CACNB2: variants seen among roughly 807,000 people sequenced by gnomAD.
The protein encoded by CACNB2 is voltage-dependent L-type calcium channel subunit beta-2.
Under a neutral mutation model 73.3 loss-of-function variants are expected in CACNB2, and 42 were observed. That is an observed-to-expected ratio of 0.57 (90% CI 0.45 to 0.74). CACNB2 has a LOEUF of 0.74. CACNB2 is among the 30% of genes least tolerant of loss of function. CACNB2 has a pLI of 0.00. For missense variants in CACNB2, 940 were observed against 853.0 expected, an observed-to-expected ratio of 1.10 and a Z score of -1.27; for synonymous variants, 348 against 310.3, an observed-to-expected ratio of 1.12 and a Z score of -1.28.
intron 2 of CACNB2, among the ~76,000 whole-genome samples, chr10:18,165,222 A>C (rs2032765401): frequency 6.6e-6 from 1 of 152,180 alleles, no homozygotes; most frequent in Non-Finnish European, 1.5e-5. Context: ...CTAGGAGAAG[A>C]AATTGGGAAG....
At chr10:18,473,149 G>T (rs557706692) in intron 3 of CACNB2, among the ~76,000 whole-genome samples, 1 of 152,176 alleles carries the variant, frequency 6.6e-6, no homozygotes, top group South Asian at 2.1e-4. Flanking sequence ...AATTGTCCAC[G>T]CTTTAGCTCC....
intron 2 of CACNB2, among the ~76,000 whole-genome samples, chr10:18,354,036 G>A (rs2041816956): frequency 6.6e-6 from 1 of 152,160 alleles, no homozygotes; most frequent in South Asian, 2.1e-4. Context: ...GGAATGTATA[G>A]TCTGTCAAAA....
intron 2 of CACNB2, among the ~76,000 whole-genome samples, chr10:18,388,445 T>C (rs2043326134): frequency 6.6e-6 from 1 of 152,180 alleles, no homozygotes; most frequent in Non-Finnish European, 1.5e-5. Flanking sequence ...GCTTAAGGGA[T>C]ACATTAACTA....
intron 2 of CACNB2, among the ~76,000 whole-genome samples, chr10:18,354,334 C>A (rs538494017): frequency 3.4e-4 from 52 of 152,206 alleles, no homozygotes; most frequent in African/African-American, 1.2e-3. Context: ...TTGGTGAGGT[C>A]CTATGAGAAC....
At position 18,210,421 on chromosome 10, in the gene CACNB2, G is replaced by A. The variant is rs183691663; in HGVS notation, c.213+59446G>A. ...CTTTATATAACTGTCTTTGAACAAAGGTGAAGAATGGTTTTTTTTCCCATA... is the reference window on the plus strand; with the variant it reads ...CTTTATATAACTGTCTTTGAACAAAAGTGAAGAATGGTTTTTTTTCCCATA... On this transcript the variant is annotated intron_variant, in intron 2 of 13. Transcript: ENST00000324631. 4.5e-3 allele frequency among the ~76,000 whole-genome samples: 685 copies of A among 152,176 alleles called. 3 individuals are homozygous for A. Among genetic ancestry groups the A allele is most frequent in the African/African-American group, 0.016 (662 of 41,480 alleles).
chr10:18,197,943 A>T (rs945607037), intron 2 of CACNB2, among the ~76,000 whole-genome samples: 1 of 147,486 alleles, frequency 6.8e-6, no homozygotes, highest in African/African-American at 2.5e-5. Flanking sequence ...ATATATAGTC[A>T]ATTAATTGTA....
intron 2 of CACNB2, among the ~76,000 whole-genome samples, chr10:18,261,497 T>G (rs907966579): frequency 6.6e-6 from 1 of 152,160 alleles, no homozygotes; most frequent in Non-Finnish European, 1.5e-5. Flanking sequence ...AGATATTTAT[T>G]TTTTCCCAGA....
At chr10:18,353,640 A>C (rs2041803640) in intron 2 of CACNB2, among the ~76,000 whole-genome samples, 1 of 152,234 alleles carries the variant, frequency 6.6e-6, no homozygotes, top group African/African-American at 2.4e-5. Context: ...AATAAGGCAC[A>C]TGGTTGATAA....
At chr10:18,503,446 A>G (rs773560260) in intron 5 of CACNB2, among the ~76,000 whole-genome samples, 4 of 152,154 alleles carry the variant, frequency 2.6e-5, no homozygotes, top group Non-Finnish European at 4.4e-5. Context: ...AAAGTATGAA[A>G]CTAGCTGGGT....
In CACNB2 at chr10:18,298,369, C is replaced by CAA. The variant is rs60553121; in HGVS notation, c.214-103543_214-103542dup. 6.8e-4 allele frequency among the ~76,000 whole-genome samples: 88 copies of CAA among 129,598 alleles called. 1 individual carries two copies. Among genetic ancestry groups the CAA allele is most frequent in the South Asian group, 3.3e-3 (14 of 4,222 alleles). The allele number at this position is 129,598 out of a possible 152,430, so 85.0% of individuals were successfully genotyped here. On this transcript the variant is annotated intron_variant, in intron 2 of 13. Coordinates refer to ENST00000324631, the MANE Select transcript of CACNB2 (RefSeq NM_201596.3). ...TGGGCGAAAGAGCGAAACTCTGTCT[C>CAA]AAAAAAAAAAAAACCTAACCTTGAG...
intron 2 of CACNB2, among the ~76,000 whole-genome samples, chr10:18,397,847 A>C (rs1305004480): frequency 1.3e-5 from 2 of 152,218 alleles, no homozygotes; most frequent in African/African-American, 4.8e-5. Flanking sequence ...TAAGGATAAA[A>C]GGTGATGATC....
At chr10:18,198,141 AT>A (rs1310424791) in intron 2 of CACNB2, among the ~76,000 whole-genome samples, 11 of 148,354 alleles carry the variant, frequency 7.4e-5, no homozygotes, top group Admixed American at 1.4e-4. Context: ...ATTAATATAT[AT>A]TACATATCAC....
At chr10:18,324,397 G>A (rs539913751) in intron 2 of CACNB2, among the ~76,000 whole-genome samples, 32 of 152,324 alleles carry the variant, frequency 2.1e-4, no homozygotes, top group African/African-American at 7.0e-4. Context: ...TCAGAATGCA[G>A]AAGTTTTGGT....
In CACNB2 at chr10:18,223,122, A is replaced by T. The variant is rs116044090; in HGVS notation, c.213+72147A>T. Among the ~76,000 whole-genome samples the T allele has an allele frequency of 6.8e-3, 1,039 of 152,348 alleles. 14 individuals are homozygous for T. The highest frequency in any genetic ancestry group is 0.024 in the African/African-American group (985 of 41,582). On this transcript the variant is annotated intron_variant, in intron 2 of 13. Transcript: ENST00000324631. ...ATTTATGGGCATGACACACACACAG[A>T]TGAGCCATTTAAATAGGATTTTGAG...
At chr10:18,470,683 C>G (rs2048140099) in intron 3 of CACNB2, among the ~76,000 whole-genome samples, 1 of 152,138 alleles carries the variant, frequency 6.6e-6, no homozygotes, top group African/African-American at 2.4e-5. Context: ...TACGCTATGT[C>G]TGTTCCCCCT....
At chr10:18,238,690 C>G (rs1475537437) in intron 2 of CACNB2, among the ~76,000 whole-genome samples, 1 of 152,120 alleles carries the variant, frequency 6.6e-6, no homozygotes, top group Non-Finnish European at 1.5e-5. Context: ...TTCGTGATCA[C>G]TCTAAGAATG....
At chr10:18,296,094 A>C (rs1162470621) in intron 2 of CACNB2, among the ~76,000 whole-genome samples, 1 of 136,752 alleles carries the variant, frequency 7.3e-6, no homozygotes, top group African/African-American at 2.8e-5. Flanking sequence ...TTATGACTTT[A>C]TCAGAGATCT....
intron 3 of CACNB2, among the ~76,000 whole-genome samples, chr10:18,413,675 G>A (rs2132651072): frequency 6.6e-6 from 1 of 152,316 alleles, no homozygotes; most frequent in Non-Finnish European, 1.5e-5. Flanking sequence ...CTATGCAACT[G>A]CTCAGAAACC....
chr10:18,242,113 G>A (rs3068804), intron 2 of CACNB2, among the ~76,000 whole-genome samples: 1,049 of 29,024 alleles, frequency 0.036, 15 homozygotes, highest in African/African-American at 0.13. Context: ...ATGTATACAT[G>A]TGTGTGTGTG....
Sources: allele counts gnomAD v4.1 joint callset (sites outside exome capture counted in the v4.1 genomes callset), GRCh38; gene constraint gnomAD v4.1.1; transcripts MANE v1.5; gene names NCBI Gene and HGNC (gene_info 2026-07-23, HGNC 2026-07-21).